Variants in CMPK1 observed in about 807,000 individuals in gnomAD.
The protein encoded by CMPK1 is UMP-CMP kinase.
A neutral mutation model predicts 25.7 loss-of-function variants in CMPK1; 10 were observed. That is an observed-to-expected ratio of 0.39 (90% CI 0.24 to 0.66). The LOEUF (loss-of-function observed/expected upper bound fraction) is 0.66. Ranked by LOEUF, CMPK1 falls within the 30% of genes least tolerant of loss-of-function variation. The probability of loss-of-function intolerance (pLI) is 0.48; values close to 1 mark genes in which losing one functional copy is unlikely to be tolerated. For synonymous variants in CMPK1, 106 were observed against 101.5 expected, an observed-to-expected ratio of 1.04 and a Z score of -0.27; for missense variants, 199 against 280.5, an observed-to-expected ratio of 0.71 and a Z score of 2.08.
chr1:47,354,371 A>G (rs948095433), intron 1 of CMPK1, among the ~76,000 whole-genome samples: 1 of 139,766 alleles, frequency 7.2e-6, no homozygotes, highest in African/African-American at 2.6e-5. Flanking sequence ...ACTTTTTTAA[A>G]ACTAAAATTT....
chr1:47,340,019 T>A (rs1291550765), intron 1 of CMPK1, among the ~76,000 whole-genome samples: 2 of 91,514 alleles, frequency 2.2e-5, no homozygotes, highest in South Asian at 3.9e-4. Context: ...CCCTCTTCCC[T>A]CCCCTCCCCT....
chr1:47,372,794 T>C (rs1646685222), intron 2 of CMPK1, among the ~76,000 whole-genome samples, 161 bp from the exon 3 acceptor site: 1 of 116,006 alleles, frequency 8.6e-6, no homozygotes, highest in African/African-American at 3.7e-5. Context: ...TCTTTTTTCT[T>C]TCTTTCTTTT....
At chr1:47,336,504 AT>A (rs1293468603) in intron 1 of CMPK1, among the ~76,000 whole-genome samples, 1 of 151,724 alleles carries the variant, frequency 6.6e-6, no homozygotes, top group African/African-American at 2.4e-5. Flanking sequence ...TATATTGGTT[AT>A]TTTTATTGGT....
chr1:47,356,734 C>T (rs980464921), intron 1 of CMPK1, among the ~76,000 whole-genome samples: 8 of 152,234 alleles, frequency 5.3e-5, no homozygotes, highest in Non-Finnish European at 1.0e-4. Context: ...AATCAAGGCT[C>T]ACGGCAGCCT....
At chr1:47,375,842 G>T (rs1449786957) in intron 5 of CMPK1, among the ~76,000 whole-genome samples, 1 of 152,084 alleles carries the variant, frequency 6.6e-6, no homozygotes, top group Non-Finnish European at 1.5e-5. Flanking sequence ...AATTTCTAGT[G>T]TCTCTTAAGG....
intron 1 of CMPK1, among the ~76,000 whole-genome samples, chr1:47,366,868 G>A (rs954729893): frequency 6.6e-6 from 1 of 152,096 alleles, no homozygotes; most frequent in Non-Finnish European, 1.5e-5. Context: ...GGGATTACAG[G>A]CACCTGCAAC....
At chr1:47,346,798 C>G (rs545763450) in intron 1 of CMPK1, among the ~76,000 whole-genome samples, 9 of 151,934 alleles carry the variant, frequency 5.9e-5, no homozygotes, top group African/African-American at 9.7e-5. Flanking sequence ...CCACCGTGCC[C>G]GGCCCGTTTG....
chr1:47,343,597 T>G (rs1646458658), intron 1 of CMPK1, among the ~76,000 whole-genome samples: 1 of 151,642 alleles, frequency 6.6e-6, no homozygotes, highest in Non-Finnish European at 1.5e-5. Context: ...GGCACTGTGA[T>G]ATTGGTTGTT....
chr1:47,368,903 C>T (rs1365431879), intron 2 of CMPK1, among the ~76,000 whole-genome samples: 1 of 152,064 alleles, frequency 6.6e-6, no homozygotes, highest in African/African-American at 2.4e-5. Context: ...CAAGTCCAGC[C>T]TGGGAAACAT....
intron 5 of CMPK1, among the ~76,000 whole-genome samples, chr1:47,375,586 A>C (rs1377803158): frequency 6.6e-6 from 1 of 152,186 alleles, no homozygotes. Flanking sequence ...TATAACTTCA[A>C]ACTTGTTCTT....
chr1:47,374,601 G>A (rs1386572032), intron 3 of CMPK1, among the ~76,000 whole-genome samples: 1 of 152,010 alleles, frequency 6.6e-6, no homozygotes, highest in Non-Finnish European at 1.5e-5. Flanking sequence ...TACCTAATAA[G>A]TTAATAATAT....
At chr1:47,376,101 A>G (rs1442855692) in intron 5 of CMPK1, among the ~76,000 whole-genome samples, 1 of 151,822 alleles carries the variant, frequency 6.6e-6, no homozygotes, top group African/African-American at 2.4e-5. Context: ...AATTATTGGT[A>G]GCCTCTCAAG....
At chr1:47,340,238 C>T (rs896572879) in intron 1 of CMPK1, among the ~76,000 whole-genome samples, 7 of 151,772 alleles carry the variant, frequency 4.6e-5, no homozygotes, top group African/African-American at 1.7e-4. Flanking sequence ...CAGGTGCATG[C>T]CACCATGCCC....
chr1:47,339,701 CTTTTTTTTTT>C (rs71053104), intron 1 of CMPK1, among the ~76,000 whole-genome samples: 70 of 109,938 alleles, frequency 6.4e-4, no homozygotes, highest in African/African-American at 6.4e-4. Flanking sequence ...TCTTCCTTTC[CTTTTTTTTTT>C]TTTTTTTTTT....
intron 1 of CMPK1, among the ~76,000 whole-genome samples, chr1:47,360,214 A>G (rs1002569985): frequency 1.3e-5 from 2 of 152,222 alleles, no homozygotes; most frequent in Admixed American, 6.5e-5. Context: ...CCTGGTCTCC[A>G]TCTTTGACCA....
chr1:47,345,961 G>A (rs765066134), intron 1 of CMPK1, among the ~76,000 whole-genome samples: 72 of 151,676 alleles, frequency 4.7e-4, no homozygotes, highest in Non-Finnish European at 8.2e-4. Flanking sequence ...CACCATGTTG[G>A]TTGGACTCCT....
intron 1 of CMPK1, among the ~76,000 whole-genome samples, chr1:47,359,783 AT>A (rs1278362554): frequency 2.6e-5 from 4 of 152,088 alleles, no homozygotes; most frequent in African/African-American, 9.7e-5. Flanking sequence ...AAGGGCTGAG[AT>A]TACAGGTGTG....
intron 1 of CMPK1, among the ~76,000 whole-genome samples, chr1:47,336,553 C>T (rs974966202): frequency 5.3e-5 from 8 of 152,040 alleles, no homozygotes; most frequent in African/African-American, 1.4e-4. Context: ...GATCGAGTCT[C>T]TCTGTGTCAC....
chr1:47,358,020 T>C (rs1162827272), intron 1 of CMPK1, among the ~76,000 whole-genome samples: 1 of 151,960 alleles, frequency 6.6e-6, no homozygotes, highest in Non-Finnish European at 1.5e-5. Flanking sequence ...AAGCCACTGA[T>C]TATTTTGGAC....
Sources: allele counts gnomAD v4.1 joint callset (sites outside exome capture counted in the v4.1 genomes callset), GRCh38; gene constraint gnomAD v4.1.1; transcripts MANE v1.5; gene names NCBI Gene and HGNC (gene_info 2026-07-23, HGNC 2026-07-21).